The following NTM variants were observed in gnomAD, a reference collection of about 807,000 sequenced individuals.
NTM encodes neurotrimin, also known as IgLON family member 2.
A neutral mutation model predicts 42.1 loss-of-function variants in NTM; 13 were observed. The ratio of observed to expected loss-of-function variants is 0.31; its 90% CI spans 0.20 to 0.49. NTM has a LOEUF of 0.49. Among genes scored for constraint, NTM ranks in the 20% least tolerant of loss-of-function variants. NTM has a pLI of 0.99. For missense variants in NTM, 373 were observed against 452.8 expected (o/e 0.82, Z 1.60); for synonymous variants, 187 against 179.2 (o/e 1.04, Z -0.35).
At chr11:132,180,163 A>G (rs1242816074) in intron 3 of NTM, among the ~76,000 whole-genome samples, 1 of 152,204 alleles carries the variant, frequency 6.6e-6, no homozygotes, top group Non-Finnish European at 1.5e-5. Flanking sequence ...TTCACTTTGT[A>G]TTGTGTATTC....
chr11:131,794,047 T>C (rs2091269178), intron 1 of NTM, among the ~76,000 whole-genome samples: 2 of 152,194 alleles, frequency 1.3e-5, no homozygotes, highest in African/African-American at 4.8e-5. Flanking sequence ...AAATATTTGC[T>C]AGGTGTAATC....
At chr11:131,547,750 C>A (rs572089219) in intron 1 of NTM, among the ~76,000 whole-genome samples, 2 of 152,150 alleles carry the variant, frequency 1.3e-5, no homozygotes, top group African/African-American at 4.8e-5. Flanking sequence ...TCAAAGAGTT[C>A]GCTTTTAGTT....
chr11:132,138,304 G>T lies in NTM; in HGVS notation c.168-7978G>T, dbSNP rs535202594. On this transcript the variant is annotated intron_variant, in intron 2 of 8. Coordinates refer to ENST00000683400, the MANE Select transcript of NTM (RefSeq NM_001352005.2). ...TAAAGTATGTCTGGAAAACACTCATGGGGGAACAGCAAAATTTTGCAGAGA... is the reference window on the plus strand; with the variant it reads ...TAAAGTATGTCTGGAAAACACTCATTGGGGAACAGCAAAATTTTGCAGAGA... Among the ~76,000 whole-genome samples the T allele has an allele frequency of 2.6e-5, 4 of 152,252 alleles. No individual in the cohort carries two copies. In the South Asian group the frequency reaches 8.3e-4, roughly 32 times the overall value.
chr11:132,330,663 T>TAAA (rs974998371), intron 8 of NTM, among the ~76,000 whole-genome samples: 1 of 152,166 alleles, frequency 6.6e-6, no homozygotes, highest in Non-Finnish European at 1.5e-5. Flanking sequence ...TGGCTACGAA[T>TAAA]AAAATGCATC....
chr11:132,214,263 C>T (rs905222484), intron 4 of NTM, among the ~76,000 whole-genome samples: 6 of 152,188 alleles, frequency 3.9e-5, no homozygotes, highest in Admixed American at 1.3e-4. Flanking sequence ...CCATTCATCA[C>T]AGCCTGATGT....
intron 1 of NTM, among the ~76,000 whole-genome samples, chr11:131,466,989 A>G (rs547007546): frequency 6.6e-6 from 1 of 152,368 alleles, no homozygotes; most frequent in South Asian, 2.1e-4. Context: ...ATACACGTAC[A>G]CACACGCACA....
intron 1 of NTM, among the ~76,000 whole-genome samples, chr11:131,867,818 G>A (rs983955588): frequency 6.6e-6 from 1 of 152,136 alleles, no homozygotes; most frequent in African/African-American, 2.4e-5. Context: ...ATGAGGACTT[G>A]GTTTACACAC....
intron 1 of NTM, among the ~76,000 whole-genome samples, chr11:131,527,839 C>G (rs534956543): frequency 8.6e-5 from 13 of 151,940 alleles, no homozygotes; most frequent in Non-Finnish European, 1.9e-4. Context: ...AACAATCTGA[C>G]TCTTTGGTAG....
chr11:132,213,268 G>T (rs2083201336), intron 4 of NTM, among the ~76,000 whole-genome samples: 1 of 152,188 alleles, frequency 6.6e-6, no homozygotes, highest in Non-Finnish European at 1.5e-5. Context: ...GTGGGAAACA[G>T]AATTGGGCAG....
intron 2 of NTM, among the ~76,000 whole-genome samples, chr11:132,015,343 T>A (rs2073195497): frequency 6.6e-6 from 1 of 152,092 alleles, no homozygotes; most frequent in South Asian, 2.1e-4. Flanking sequence ...TGCTTTGTTC[T>A]TTTTGCTCAG....
intron 2 of NTM, among the ~76,000 whole-genome samples, chr11:132,008,483 G>C (rs1037438474): frequency 6.6e-6 from 1 of 151,798 alleles, no homozygotes; most frequent in Non-Finnish European, 1.5e-5. Context: ...ATGTTAAAGC[G>C]TTAGTATAGT....
intron 4 of NTM, among the ~76,000 whole-genome samples, chr11:132,237,773 G>A (rs959668200): frequency 7.9e-5 from 12 of 152,168 alleles, no homozygotes; most frequent in Admixed American, 6.5e-4. Flanking sequence ...GGAAATCTGG[G>A]CGCGCAGAGA....
intron 2 of NTM, among the ~76,000 whole-genome samples, chr11:132,035,233 C>T (rs2135708837): frequency 6.6e-6 from 1 of 152,304 alleles, no homozygotes; most frequent in East Asian, 1.9e-4. Flanking sequence ...CTTTTCTCTA[C>T]TTCCATAGCT....
chr11:132,199,790 C>T (rs2080874351), intron 3 of NTM, among the ~76,000 whole-genome samples: 2 of 151,606 alleles, frequency 1.3e-5, no homozygotes, highest in Admixed American at 1.3e-4. Flanking sequence ...GTGTGAGAGA[C>T]CTAGCTTCCT....
Position 132,323,353 on chromosome 11 carries a change from G to T in NTM, c.935-6800G>T, listed in dbSNP as rs1167542146. Among the ~76,000 whole-genome samples, 399 of 152,010 alleles carry T rather than the reference G, an allele frequency of 2.6e-3. 2 individuals carry two copies. Among genetic ancestry groups the T allele is most frequent in the African/African-American group, 8.9e-3 (368 of 41,366 alleles). On this transcript the variant is annotated intron_variant, in intron 7 of 8. Coordinates refer to ENST00000683400, the MANE Select transcript of NTM (RefSeq NM_001352005.2). ...AAATGATAAAGGGGATATCACCACT[G>T]ATCCCACAGAAATACAAACTACCAT...
intron 1 of NTM, among the ~76,000 whole-genome samples, chr11:131,809,721 T>G (rs972567748): frequency 6.6e-6 from 1 of 152,232 alleles, no homozygotes; most frequent in African/African-American, 2.4e-5. Flanking sequence ...CAACCAGCAA[T>G]TTCTGCTAAC....
At chr11:131,433,420 C>G (rs1948852376) in intron 1 of NTM, among the ~76,000 whole-genome samples, 1 of 152,188 alleles carries the variant, frequency 6.6e-6, no homozygotes, top group South Asian at 2.1e-4. Context: ...TCACCACTAA[C>G]CAGGCCTCTC....
At chr11:131,399,954 AT>A (rs1944954747) in intron 1 of NTM, among the ~76,000 whole-genome samples, 1 of 152,142 alleles carries the variant, frequency 6.6e-6, no homozygotes, top group South Asian at 2.1e-4. Flanking sequence ...TACACATGAA[AT>A]TGCTAGTATG....
At chr11:131,729,672 T>A (rs577118185) in intron 1 of NTM, among the ~76,000 whole-genome samples, 1 of 152,354 alleles carries the variant, frequency 6.6e-6, no homozygotes, top group South Asian at 2.1e-4. Context: ...TTCACAAATA[T>A]GAAATTAATC....
Sources: allele counts gnomAD v4.1 joint callset (sites outside exome capture counted in the v4.1 genomes callset), GRCh38; gene constraint gnomAD v4.1.1; transcripts MANE v1.5; gene names NCBI Gene and HGNC (gene_info 2026-07-23, HGNC 2026-07-21).